Variants in PTPN13 observed in about 807,000 individuals in gnomAD.
The protein encoded by PTPN13 is protein tyrosine phosphatase non-receptor type 13.
PTPN13 carries 191 observed loss-of-function variants against 284.0 expected under a neutral mutation model. That is an observed-to-expected ratio of 0.67 (90% CI 0.60 to 0.76). The LOEUF is 0.76. Ranked by LOEUF, PTPN13 falls within the 30% of genes least tolerant of loss-of-function variation. The pLI is 0.00. For missense variants in PTPN13, 2,797 were observed against 2,939.9 expected, an observed-to-expected ratio of 0.95 and a Z score of 1.12; for synonymous variants, 986 against 1,022.3, an observed-to-expected ratio of 0.96 and a Z score of 0.68.
At chr4:86,744,352 C>T (rs1736494019) in intron 16 of PTPN13, among the ~76,000 whole-genome samples, 1 of 151,916 alleles carries the variant, frequency 6.6e-6, no homozygotes, top group Admixed American at 6.6e-5. Context: ...TTATTATTTC[C>T]TTTTCAAACA....
chr4:86,714,770 T>C (rs1732826528), intron 7 of PTPN13, among the ~76,000 whole-genome samples: 1 of 152,208 alleles, frequency 6.6e-6, no homozygotes, highest in South Asian at 2.1e-4. Context: ...ATTTTGTGCT[T>C]GCTATGTACC....
intron 1 of PTPN13, among the ~76,000 whole-genome samples, chr4:86,598,204 T>G (rs1468606288): frequency 1.3e-5 from 2 of 151,824 alleles, no homozygotes; most frequent in African/African-American, 4.8e-5. Flanking sequence ...AGTGGCACAA[T>G]CTTGTCTCAC....
At chr4:86,670,688 G>A (rs1244836611) in intron 2 of PTPN13, among the ~76,000 whole-genome samples, 1 of 152,112 alleles carries the variant, frequency 6.6e-6, no homozygotes, top group Non-Finnish European at 1.5e-5. Context: ...GACAGAAATT[G>A]ATTTTAGATT....
chr4:86,619,048 T>A (rs1192739869), intron 1 of PTPN13, among the ~76,000 whole-genome samples: 1 of 152,188 alleles, frequency 6.6e-6, no homozygotes, highest in East Asian at 1.9e-4. Context: ...CCATTCAGTA[T>A]GATACTGACT....
intron 4 of PTPN13, among the ~76,000 whole-genome samples, chr4:86,688,353 G>A (rs1366044700): frequency 6.6e-6 from 1 of 151,676 alleles, no homozygotes; most frequent in Non-Finnish European, 1.5e-5. Context: ...TATTTTATTG[G>A]GTGTGTAGTG....
At chr4:86,714,959 A>G (rs1029678053) in intron 7 of PTPN13, among the ~76,000 whole-genome samples, 7 of 152,176 alleles carry the variant, frequency 4.6e-5, no homozygotes, top group African/African-American at 1.7e-4. Flanking sequence ...CTCAGCCTTT[A>G]TGTGGTCATA....
chr4:86,643,822 A>G (rs1338597230), intron 2 of PTPN13, among the ~76,000 whole-genome samples: 2 of 152,206 alleles, frequency 1.3e-5, no homozygotes, highest in Non-Finnish European at 2.9e-5. Context: ...TAATGTAACT[A>G]TTTTAAAGCA....
intron 9 of PTPN13, among the ~76,000 whole-genome samples, chr4:86,718,494 A>G (rs537903413): frequency 6.8e-6 from 1 of 147,866 alleles, no homozygotes; most frequent in African/African-American, 2.5e-5. Context: ...TTTGCTGCCC[A>G]GACTGTAATG....
intron 7 of PTPN13, among the ~76,000 whole-genome samples, chr4:86,711,248 G>A (rs572647841): frequency 1.3e-5 from 2 of 151,630 alleles, no homozygotes; most frequent in Admixed American, 1.3e-4. Context: ...TCCTGGGCTC[G>A]ATCAATCCAC....
intron 35 of PTPN13, among the ~76,000 whole-genome samples, chr4:86,775,949 G>C (rs1364308188): frequency 2.0e-5 from 3 of 152,034 alleles, no homozygotes; most frequent in East Asian, 1.9e-4. Flanking sequence ...GTTTTGTTTT[G>C]TTTTCTTTTC....
intron 45 of PTPN13, among the ~76,000 whole-genome samples, chr4:86,808,538 A>G (rs1744889139): frequency 6.6e-6 from 1 of 152,240 alleles, no homozygotes; most frequent in Non-Finnish European, 1.5e-5. Context: ...TCTTAAGGAA[A>G]CAGTGATTTT....
At chr4:86,662,592 A>C (rs1310485627) in intron 2 of PTPN13, among the ~76,000 whole-genome samples, 2 of 152,166 alleles carry the variant, frequency 1.3e-5, no homozygotes, top group Non-Finnish European at 2.9e-5. Context: ...GGCCTCCCAA[A>C]GTGCTGGGAT....
chr4:86,604,336 C>G (rs1213927999), intron 1 of PTPN13, among the ~76,000 whole-genome samples: 1 of 152,010 alleles, frequency 6.6e-6, no homozygotes, highest in African/African-American at 2.4e-5. Context: ...CCTACTGATT[C>G]TGTTTACAGG....
chr4:86,737,606 C>G (rs1283334454), intron 15 of PTPN13, among the ~76,000 whole-genome samples: 1 of 151,912 alleles, frequency 6.6e-6, no homozygotes, highest in Admixed American at 6.6e-5. Context: ...AGTCCCCTCC[C>G]CCTACCTGTA....
intron 19 of PTPN13, among the ~76,000 whole-genome samples, chr4:86,751,580 A>C: frequency 6.6e-6 from 1 of 152,124 alleles, no homozygotes; most frequent in East Asian, 1.9e-4. Flanking sequence ...TTGGCCTCCC[A>C]AAGTGCTGAG....
At position 86,701,516 on chromosome 4, in the gene PTPN13, G is replaced by T; in HGVS notation, c.910G>T (p.Asp304Tyr). The T allele has an allele frequency of 6.2e-7, 1 of 1,613,952 alleles. No individual in the cohort carries two copies. Among genetic ancestry groups the T allele is most frequent in the Non-Finnish European group, 8.5e-7 (1 of 1,179,882 alleles). The change falls in exon 7 of 48, where the codon GAC (aspartate) becomes TAC (tyrosine). Residue 304 changes from aspartate (D) to tyrosine (Y), a missense_variant. By Grantham distance (160) the Asp-to-Tyr change is radical. Coordinates refer to ENST00000411767, the MANE Select transcript of PTPN13 (RefSeq NM_080683.3). ...GAAGAAGATCTGGGCTTCATCCATG[G>T]ACTTGCTTTGTACAGCTGACAGAGA... ...SKKKIWASSM[D>Y]LLCTADRDFS...
At chr4:86,814,392 CTATATA>C (rs995540304) in intron 47 of PTPN13, 58 bp from the exon 48 acceptor site, 1 of 1,061,308 alleles carries the variant, frequency 9.4e-7, no homozygotes, top group African/African-American at 1.6e-5. Flanking sequence ...AGTGGTATAG[CTATATA>C]TATATAATAT....
intron 7 of PTPN13, among the ~76,000 whole-genome samples, chr4:86,709,510 G>A (rs1251315626): frequency 6.6e-6 from 1 of 152,102 alleles, no homozygotes; most frequent in Admixed American, 6.6e-5. Context: ...TTCAGATAAT[G>A]GGTTACAACA....
chr4:86,639,768 T>G (rs1041099496), intron 2 of PTPN13, among the ~76,000 whole-genome samples: 1 of 151,902 alleles, frequency 6.6e-6, no homozygotes, highest in Non-Finnish European at 1.5e-5. Context: ...AGCATGGCAC[T>G]TGTATACATA....
Sources: gnomAD v4.1 joint callset for allele counts (sites outside exome capture counted in the v4.1 genomes callset) on GRCh38, gnomAD v4.1.1 for gene constraint, MANE v1.5 for transcripts, NCBI Gene and HGNC (gene_info 2026-07-23, HGNC 2026-07-21) for gene names.